Variants in CYP2S1 observed in about 807,000 individuals in gnomAD.
CYP2S1 encodes cytochrome P450 family 2 subfamily S member 1, also known as cytochrome P450 2S1.
Under a neutral mutation model 43.5 loss-of-function variants are expected in CYP2S1, and 32 were observed. The observed-to-expected ratio is 0.74, with a 90% confidence interval of 0.56 to 0.99. CYP2S1 has a LOEUF of 0.99. CYP2S1 is among the 50% of genes least tolerant of loss of function. The pLI, the probability that CYP2S1 is intolerant of heterozygous loss-of-function variation, is 0.00. For missense variants in CYP2S1, 575 were observed against 673.9 expected, an observed-to-expected ratio of 0.85 and a Z score of 1.62; for synonymous variants, 283 against 302.9, an observed-to-expected ratio of 0.93 and a Z score of 0.68.
chr19:41,197,834 T>C lies in CYP2S1; in HGVS notation c.399T>C (p.Leu133=), dbSNP rs1454439380. ...GGCAGCTGAGGAAGTTTACCATGCT[T>C]GCTCTGCGGGACCTGGGCATGGGGA... ...RWRQLRKFTM[L]ALRDLGMGKR... Residue 133 remains leucine (L), a synonymous_variant, in exon 3 of 9, where the codon CTT becomes CTC. Coordinates refer to ENST00000310054, the MANE Select transcript of CYP2S1 (RefSeq NM_030622.8). 8 of 1,614,106 alleles carry C rather than the reference T, an allele frequency of 5.0e-6. No homozygotes were observed. Among genetic ancestry groups the C allele is most frequent in the Non-Finnish European group, 6.8e-6 (8 of 1,180,026 alleles).
Position 41,198,562 on chromosome 19 carries a change from C to T in CYP2S1, c.594C>T (p.Phe198=), listed in dbSNP as rs779378632. 1.2e-6 allele frequency: 2 copies of T among 1,614,202 alleles called. No homozygotes were observed. The highest frequency in any genetic ancestry group is 1.1e-5 in the South Asian group (1 of 91,086). Residue 198 remains phenylalanine (F), a synonymous_variant, in exon 4 of 9, where the codon TTC becomes TTT. Coordinates refer to ENST00000310054, the MANE Select transcript of CYP2S1 (RefSeq NM_030622.8). This position sits in a 1 kb window ranked among gnomAD's most constrained non-coding sequence, Gnocchi z 4.9. ...GLRFSYEDKE[F]QAVVRAAGGT... is the part of the protein sequence containing the mutation. ...GCTTCTCCTATGAGGATAAGGAGTT[C>T]CAGGCCGTGGTCCGGGCAGCTGGTG...
rs1010576089 is a variant in CYP2S1 at position 41,207,133 on chromosome 19, C to T, written c.*645C>T. The T allele has an allele frequency of 3.0e-5, 9 of 301,590 alleles. No individual in the cohort carries two copies. Among genetic ancestry groups the T allele is most frequent in the African/African-American group, 2.0e-4 (9 of 46,084 alleles). 18.7% of individuals were successfully genotyped at this position (301,590 alleles called of 1,614,324 possible). ...ATCTTCCCACTGAGACACGCCGCCC[C>T]CACAGAGGCACAGTCCCCAGCCACC... On this transcript the variant is annotated 3_prime_UTR_variant, in exon 9 of 9. Transcript: ENST00000310054.
chr19:41,193,398 T>A lies in CYP2S1; in HGVS notation c.134T>A (p.Leu45His), dbSNP rs1478820377. The A allele has an allele frequency of 6.6e-7, 1 of 1,519,048 alleles. No homozygotes were observed. The highest frequency in any genetic ancestry group is 2.1e-5 in the Admixed American group (1 of 46,898). The allele number at this position is 1,519,048 out of a possible 1,614,324, so 94.1% of individuals were successfully genotyped here. The change falls in exon 1 of 9, where the codon CTC becomes CAC. Residue 45 changes from leucine (L) to histidine (H), a missense_variant. Physicochemically the swap from Leu to His is moderately conservative, Grantham distance 99 (BLOSUM62 -3). Coordinates refer to ENST00000310054, the MANE Select transcript of CYP2S1 (RefSeq NM_030622.8). ...ACGCCGCTACCACTGCTGGGAAACC[T>A]CCTGCAGCTACGGCCCGGGGCGCTG... is the stretch of plus-strand genomic sequence containing the variant. ...GPTPLPLLGN[L>H]LQLRPGALYS...
Position 41,206,364 on chromosome 19 carries a change from A to C in CYP2S1, c.1391A>C (p.Glu464Ala). ...ACCATCCTACAAGCCTTCTCCCTGG[A>C]GAGCCCGTGCCCGCCGGACACCCTG... ...FTTILQAFSL[E>A]SPCPPDTLSL... The change falls in exon 9 of 9, where the codon GAG becomes GCG. Residue 464 changes from glutamate (E) to alanine (A), a missense_variant. By Grantham distance (107) the Glu-to-Ala change is moderately radical. This residue lies in a region of CYP2S1 where 222 missense variants were observed against 306.3 expected (regional missense o/e 0.72). Coordinates refer to ENST00000310054, the MANE Select transcript of CYP2S1 (RefSeq NM_030622.8). 6.2e-7 allele frequency: 1 copy of C among 1,614,106 alleles called. No homozygotes were observed. Among genetic ancestry groups the C allele is most frequent in the Non-Finnish European group, 8.5e-7 (1 of 1,180,036 alleles).
Position 41,206,388 on chromosome 19 carries a change from T to C in CYP2S1, c.1415T>C (p.Leu472Pro), listed in dbSNP as rs1371229055. 1 of 1,614,120 alleles carries C rather than the reference T, an allele frequency of 6.2e-7. No individual in the cohort carries two copies. Among genetic ancestry groups the C allele is most frequent in the East Asian group, 2.2e-5 (1 of 44,880 alleles). The change falls in exon 9 of 9, where the codon CTG becomes CCG. Residue 472 changes from leucine to proline, a missense_variant. Leu to Pro is a moderately conservative substitution (Grantham distance 98, BLOSUM62 -3). This residue lies in a region of CYP2S1 where 222 missense variants were observed against 306.3 expected (regional missense o/e 0.72). Coordinates refer to ENST00000310054, the MANE Select transcript of CYP2S1 (RefSeq NM_030622.8). Reference protein sequence around the residue: ...SLESPCPPDTLSLKPTVSGLF... With the variant: ...SLESPCPPDTPSLKPTVSGLF... ...GAGAGCCCGTGCCCGCCGGACACCCTGAGCCTCAAGCCCACCGTCAGTGGC... is the reference window on the plus strand; with the variant it reads ...GAGAGCCCGTGCCCGCCGGACACCCCGAGCCTCAAGCCCACCGTCAGTGGC...
chr19:41,197,763 C>A lies in CYP2S1; in HGVS notation c.344-16C>A. The A allele has an allele frequency of 6.2e-7, 1 of 1,612,760 alleles. No homozygotes were observed. The highest frequency in any genetic ancestry group is 1.3e-5 in the African/African-American group (1 of 74,856). On this transcript the variant is annotated splice_polypyrimidine_tract_variant and intron_variant, in intron 2 of 8. Coordinates refer to ENST00000310054, the MANE Select transcript of CYP2S1 (RefSeq NM_030622.8). ...GAGAGGGGCCGGTCCCTTTTTGAGT[C>A]TAGCCTTCTGCGCAGGGGTTTTCTT...
At chr19:41,195,422 G>A (rs964414192) in intron 2 of CYP2S1, among the ~76,000 whole-genome samples, 5 of 152,062 alleles carry the variant, frequency 3.3e-5, no homozygotes, top group Non-Finnish European at 7.4e-5. Flanking sequence ...CTTCCCCAGC[G>A]CACCTAGGCC....
rs2033519978 is a variant in CYP2S1 at position 41,203,545 on chromosome 19, C to A, written c.1072C>A (p.His358Asn). The A allele has an allele frequency of 6.3e-7, 1 of 1,592,172 alleles. No individual in the cohort carries two copies. Among genetic ancestry groups the A allele is most frequent in the African/African-American group, 1.3e-5 (1 of 74,412 alleles). The stretch of plus-strand genomic sequence containing the variant: ...CCTCCCTTACACCGACGCGGTTCTG[C>A]ATGAGGCGCAGCGGCTGCTGGCGCT... ...TRLPYTDAVLHEAQRLLALVP... is the reference protein window; with the variant it reads ...TRLPYTDAVLNEAQRLLALVP... Residue 358 changes from histidine to asparagine, a missense_variant, in exon 7 of 9, where the codon CAT becomes AAT. Physicochemically the swap from His to Asn is moderately conservative, Grantham distance 68. Coordinates refer to ENST00000310054, the MANE Select transcript of CYP2S1 (RefSeq NM_030622.8).
rs1599717308 is a variant in CYP2S1, at chr19:41,206,350, A to G, written c.1377A>G (p.Gln459=). Residue 459 remains glutamine (Q), a synonymous_variant, in exon 9 of 9, where the codon CAA becomes CAG. Transcript: ENST00000310054. ...ELFLFFTTIL[Q]AFSLESPCPP... ...TCCTCTTCTTCACCACCATCCTACAAGCCTTCTCCCTGGAGAGCCCGTGCC... is the reference window on the plus strand; with the variant it reads ...TCCTCTTCTTCACCACCATCCTACAGGCCTTCTCCCTGGAGAGCCCGTGCC... 2.5e-6 allele frequency: 4 copies of G among 1,614,014 alleles called. No individual in the cohort carries two copies. The highest frequency in any genetic ancestry group is 2.5e-6 in the Non-Finnish European group (3 of 1,180,000).
At chr19:41,199,003 G>A in intron 5 of CYP2S1, 115 bp downstream of exon 5, 2 of 1,265,170 alleles carry the variant, frequency 1.6e-6, no homozygotes, top group Non-Finnish European at 2.2e-6. Flanking sequence ...CTCTCTGCAT[G>A]TCTCTGTGAG....
At chr19:41,195,934 A>T (rs1314764931) in intron 2 of CYP2S1, among the ~76,000 whole-genome samples, 1 of 152,104 alleles carries the variant, frequency 6.6e-6, no homozygotes, top group Non-Finnish European at 1.5e-5. Flanking sequence ...CATGGGTACC[A>T]GGTACATAGA....
chr19:41,193,309 G>A lies in CYP2S1; in HGVS notation c.45G>A (p.Leu15=). The change falls in exon 1 of 9, where the codon CTG becomes CTA. Residue 15 remains leucine (L), a synonymous_variant. Transcript: ENST00000310054. ...GGGCGCTGCTGCTGGCGCTGGCGCT[G>A]CTCCTGCTGCTGACGCTGGCGCTGT... is the stretch of plus-strand genomic sequence containing the variant. ...GTWALLLALA[L]LLLLTLALSG... 6.5e-7 allele frequency: 1 copy of A among 1,542,010 alleles called. No homozygotes were observed.
Position 41,206,722 on chromosome 19 carries a change from A to T in CYP2S1, c.*234A>T. On this transcript the variant is annotated 3_prime_UTR_variant, in exon 9 of 9. Coordinates refer to ENST00000310054, the MANE Select transcript of CYP2S1 (RefSeq NM_030622.8). The stretch of plus-strand genomic sequence containing the variant: ...AGGGCCACAAAGCAACTGCTGGGTT[A>T]GCTTTCCACAGACATAAATATAGTC... 1 of 750,568 alleles carries T rather than the reference A, an allele frequency of 1.3e-6. No homozygotes were observed. The highest frequency in any genetic ancestry group is 1.7e-5 in the African/African-American group (1 of 59,006). The allele number at this position is 750,568 out of a possible 1,614,324, so 46.5% of individuals were successfully genotyped here.
Position 41,200,076 on chromosome 19 carries a change from T to C in CYP2S1, c.835-1155T>C, listed in dbSNP as rs561031165. On this transcript the variant is annotated intron_variant, in intron 5 of 8. Coordinates refer to ENST00000310054, the MANE Select transcript of CYP2S1 (RefSeq NM_030622.8). ...AAATAGTTTTTAACTGTACGAACTT[T>C]TGGAAGAATGGGGCCAATTCTTTAA... Among the ~76,000 whole-genome samples, 22 of 152,254 alleles carry C rather than the reference T, an allele frequency of 1.4e-4. No homozygotes were observed. In the South Asian group the frequency reaches 2.9e-3, roughly 20 times the overall value.
intron 5 of CYP2S1, 143 bp from the exon 6 acceptor site, chr19:41,201,088 G>C: frequency 9.6e-7 from 1 of 1,046,950 alleles, no homozygotes; most frequent in Non-Finnish European, 1.3e-6. Context: ...AAAAAAAAAA[G>C]TCTACTTCCC....
In CYP2S1 at chr19:41,206,729, CA is replaced by C; in HGVS notation, c.*242del. 1 of 744,600 alleles carries C rather than the reference CA, an allele frequency of 1.3e-6. No individual in the cohort carries two copies. 46.1% of individuals were successfully genotyped at this position (744,600 alleles called of 1,614,324 possible). ...CAAAGCAACTGCTGGGTTAGCTTTC[CA>C]CAGACATAAATATAGTCCATCTGCA... On this transcript the variant is annotated 3_prime_UTR_variant, in exon 9 of 9. Coordinates refer to ENST00000310054, the MANE Select transcript of CYP2S1 (RefSeq NM_030622.8).
chr19:41,200,177 T>C (rs1026492276), intron 5 of CYP2S1, among the ~76,000 whole-genome samples: 3 of 152,232 alleles, frequency 2.0e-5, no homozygotes, highest in East Asian at 1.9e-4. Flanking sequence ...TTCTCTTTTA[T>C]TGAATATTTT....
chr19:41,194,554 A>G lies in CYP2S1; in HGVS notation c.188A>G (p.Lys63Arg). Residue 63 changes from lysine (K) to arginine (R), a missense_variant, in exon 2 of 9, where the codon AAG becomes AGG. Physicochemically the swap from Lys to Arg is conservative, Grantham distance 26 (BLOSUM62 2). Transcript: ENST00000310054. ...LYSGLMRLSK[K>R]YGPVFTIYLG... Reference sequence around the variant, plus strand: ...CCTCCCTACCCCCAGCTGAGTAAGAAGTACGGACCGGTGTTCACCATCTAC... The same window carrying G: ...CCTCCCTACCCCCAGCTGAGTAAGAGGTACGGACCGGTGTTCACCATCTAC... The G allele has an allele frequency of 1.3e-6, 2 of 1,584,338 alleles. No individual in the cohort carries two copies. The highest frequency in any genetic ancestry group is 1.7e-6 in the Non-Finnish European group (2 of 1,168,546).
Position 41,206,508 on chromosome 19 carries a change from G to A in CYP2S1, c.*20G>A. The A allele has an allele frequency of 6.2e-7, 1 of 1,614,036 alleles. No individual in the cohort carries two copies. The highest frequency in any genetic ancestry group is 1.3e-5 in the African/African-American group (1 of 75,048). ...AGATGAAGGAAGGCAACTTGGAAGT[G>A]GTGGGTGCCCAGGACGGTGCCTCCA... On this transcript the variant is annotated 3_prime_UTR_variant, in exon 9 of 9. Coordinates refer to ENST00000310054, the MANE Select transcript of CYP2S1 (RefSeq NM_030622.8).
Sources: gnomAD v4.1 joint callset for allele counts (sites outside exome capture counted in the v4.1 genomes callset) on GRCh38, gnomAD v4.1.1 for gene constraint, gnomAD v4.1.1 regional missense constraint, Gnocchi (gnomAD v3.1) non-coding constraint, MANE v1.5 for transcripts, NCBI Gene and HGNC (gene_info 2026-07-23, HGNC 2026-07-21) for gene names.